COL25A1: variants seen among roughly 807,000 people sequenced by gnomAD.
COL25A1 encodes collagen alpha-1(XXV) chain.
COL25A1 carries 103 observed loss-of-function variants against 128.4 expected under a neutral mutation model. The observed-to-expected ratio is 0.80, with a 90% CI of 0.68 to 0.94. The LOEUF is 0.94. Among genes scored for constraint, COL25A1 ranks in the 40% least tolerant of loss-of-function variants. The pLI, the probability that COL25A1 is intolerant of heterozygous loss-of-function variation, is 0.00. For synonymous variants in COL25A1, 279 were observed against 277.2 expected (o/e 1.01, Z -0.06); for missense variants, 745 against 840.0 (o/e 0.89, Z 1.40).
intron 3 of COL25A1, among the ~76,000 whole-genome samples, chr4:109,221,796 T>C (rs968992074): frequency 6.6e-6 from 1 of 152,116 alleles, no homozygotes; most frequent in Non-Finnish European, 1.5e-5. Flanking sequence ...ATAAAATGCA[T>C]GGACTTATGT....
intron 3 of COL25A1, among the ~76,000 whole-genome samples, chr4:109,072,933 C>T (rs1179949008): frequency 6.6e-6 from 1 of 152,186 alleles, no homozygotes; most frequent in Non-Finnish European, 1.5e-5. Flanking sequence ...CTCTGCAGCA[C>T]AGTGTGGGAT....
intron 3 of COL25A1, among the ~76,000 whole-genome samples, chr4:109,125,131 G>T (rs1768468185): frequency 6.6e-6 from 1 of 152,114 alleles, no homozygotes; most frequent in African/African-American, 2.4e-5. Context: ...TCTACAGACA[G>T]GAAACTGAGT....
At chr4:108,819,575 C>A (rs1290463326) in intron 35 of COL25A1, among the ~76,000 whole-genome samples, 1 of 152,170 alleles carries the variant, frequency 6.6e-6, no homozygotes, top group African/African-American at 2.4e-5. Flanking sequence ...TCGGATCTTA[C>A]ATTCAGGTTC....
chr4:109,131,264 A>G (rs1769168103), intron 3 of COL25A1, among the ~76,000 whole-genome samples: 1 of 152,178 alleles, frequency 6.6e-6, no homozygotes, highest in East Asian at 1.9e-4. Context: ...TTAAAGTACT[A>G]TTAAATTTAA....
At chr4:108,909,085 C>T (rs945663102) in intron 13 of COL25A1, among the ~76,000 whole-genome samples, 2 of 152,164 alleles carry the variant, frequency 1.3e-5, no homozygotes, top group Non-Finnish European at 2.9e-5. Context: ...TACTTGGTGG[C>T]TGGTGGCCTT....
chr4:108,860,281 A>G (rs2125789787), intron 23 of COL25A1, among the ~76,000 whole-genome samples: 1 of 152,154 alleles, frequency 6.6e-6, no homozygotes, highest in South Asian at 2.1e-4. Flanking sequence ...TAGTGGAGAC[A>G]GAGTTTCACC....
At chr4:108,887,446 A>C (rs929935546) in intron 18 of COL25A1, among the ~76,000 whole-genome samples, 1 of 152,214 alleles carries the variant, frequency 6.6e-6, no homozygotes, top group Admixed American at 6.5e-5. Context: ...AAGTATTGCC[A>C]AGTCCCGATA....
chr4:108,909,675 G>A (rs535895179), intron 13 of COL25A1, among the ~76,000 whole-genome samples: 23 of 152,276 alleles, frequency 1.5e-4, no homozygotes, highest in African/African-American at 4.8e-4. Flanking sequence ...GGGAGATCAC[G>A]AAAGATAGCT....
chr4:109,150,124 T>A (rs1771360607), intron 3 of COL25A1, among the ~76,000 whole-genome samples: 1 of 151,988 alleles, frequency 6.6e-6, no homozygotes, highest in Admixed American at 6.6e-5. Context: ...ATAGTCTGTA[T>A]TGTCTCTAAC....
At chr4:109,019,375 C>CACACATATATATATATATATATAT (rs1338511772) in intron 5 of COL25A1, among the ~76,000 whole-genome samples, 2 of 48,888 alleles carry the variant, frequency 4.1e-5, no homozygotes, top group Non-Finnish European at 6.8e-5. Flanking sequence ...CACACACACA[C>CACACATATATATATATATATATAT]ATATATATAT....
At chr4:108,831,106 C>T (rs922298373) in intron 32 of COL25A1, among the ~76,000 whole-genome samples, 1 of 147,210 alleles carries the variant, frequency 6.8e-6, no homozygotes, top group East Asian at 2.1e-4. Flanking sequence ...TTCCTTCATG[C>T]ATTTTTTTTT....
At chr4:108,944,809 A>G (rs540575942) in intron 8 of COL25A1, among the ~76,000 whole-genome samples, 4 of 152,266 alleles carry the variant, frequency 2.6e-5, no homozygotes, top group Middle Eastern at 3.4e-3. Flanking sequence ...TTTTCCTCAA[A>G]CAGAATAATC....
At chr4:109,227,984 A>G (rs2126217299) in intron 3 of COL25A1, among the ~76,000 whole-genome samples, 1 of 152,318 alleles carries the variant, frequency 6.6e-6, no homozygotes. Flanking sequence ...CAAAAGCCTC[A>G]GGACCTGGGG....
intron 3 of COL25A1, among the ~76,000 whole-genome samples, chr4:109,137,990 G>GTGTGTGTGTGTGTGTC (rs1769969391): frequency 6.7e-6 from 1 of 149,858 alleles, no homozygotes; most frequent in Non-Finnish European, 1.5e-5. Context: ...ATATATGTGT[G>GTGTGTGTGTGTGTGTC]TGTGTGTGTG....
intron 5 of COL25A1, among the ~76,000 whole-genome samples, chr4:109,031,742 C>T (rs1476213378): frequency 6.6e-6 from 1 of 152,104 alleles, no homozygotes; most frequent in Non-Finnish European, 1.5e-5. Context: ...GGCCCTTAGC[C>T]CCATGACCTT....
At chr4:108,845,280 C>T (rs745672176) in intron 28 of COL25A1, 29 bp from the exon 29 acceptor site, 3 of 1,579,222 alleles carry the variant, frequency 1.9e-6, no homozygotes, top group Admixed American at 3.3e-5. Flanking sequence ...CAGAGTTAAG[C>T]AGGTAAAGTT....
chr4:109,001,461 G>A (rs1396116577), intron 6 of COL25A1, among the ~76,000 whole-genome samples: 1 of 12,350 alleles, frequency 8.1e-5, no homozygotes, highest in Non-Finnish European at 4.3e-4. Flanking sequence ...TCTGCCATTG[G>A]CAAAGCTGCA....
chr4:109,222,615 C>T (rs77295317), intron 3 of COL25A1, among the ~76,000 whole-genome samples: 10,013 of 152,092 alleles, frequency 0.066, 621 homozygotes, highest in African/African-American at 0.16. Context: ...CTTTTACTTG[C>T]TAAATGTAGG....
intron 3 of COL25A1, among the ~76,000 whole-genome samples, chr4:109,250,989 T>A (rs1385720312): frequency 1.3e-5 from 2 of 152,222 alleles, no homozygotes; most frequent in African/African-American, 4.8e-5. Context: ...CAGAAGAGGA[T>A]GTAAAGTCCT....
Sources: gnomAD v4.1 joint callset for allele counts (sites outside exome capture counted in the v4.1 genomes callset) on GRCh38, gnomAD v4.1.1 for gene constraint, MANE v1.5 for transcripts, NCBI Gene and HGNC (gene_info 2026-07-23, HGNC 2026-07-21) for gene names.